TENM1: variants seen among roughly 807,000 people sequenced by gnomAD.
The protein encoded by TENM1 is teneurin-1.
TENM1 carries 35 observed loss-of-function variants against 174.8 expected under a neutral mutation model. The observed-to-expected ratio is 0.20, with a 90% CI of 0.15 to 0.27. TENM1 has a LOEUF of 0.27. Ranked by LOEUF, TENM1 falls within the 10% of genes least tolerant of loss-of-function variation. The probability of loss-of-function intolerance (pLI) is 1.00; values close to 1 mark genes in which losing one functional copy is unlikely to be tolerated. For synonymous variants in TENM1, 781 were observed against 798.7 expected, an observed-to-expected ratio of 0.98 and a Z score of 0.37; for missense variants, 1,633 against 2,130.1, an observed-to-expected ratio of 0.77 and a Z score of 4.59.
chrX:124,893,634 G>A (rs1250296121), intron 3 of TENM1, among the ~76,000 whole-genome samples: 2 of 111,258 alleles, frequency 1.8e-5, no homozygotes, highest in Non-Finnish European at 3.8e-5. Flanking sequence ...AGGCCCAGTT[G>A]TGAAAACCAT....
chrX:125,085,560 CAA>C, the TENM1 span, among the ~76,000 whole-genome samples: 2 of 111,252 alleles, frequency 1.8e-5, no homozygotes, highest in Non-Finnish European at 3.8e-5. Context: ...AACACCTTCA[CAA>C]AAACTTAATT....
intron 1 of TENM1, among the ~76,000 whole-genome samples, chrX:124,900,823 C>G (rs1225347048): frequency 1.1e-5 from 1 of 91,247 alleles, no homozygotes; most frequent in African/African-American, 4.3e-5. Context: ...TTGAGTTTTG[C>G]TCTTGTTGTT....
the TENM1 span, among the ~76,000 whole-genome samples, chrX:125,014,061 C>A: frequency 9.0e-6 from 1 of 111,232 alleles, no homozygotes; most frequent in Non-Finnish European, 1.9e-5. Context: ...GTTCATATAT[C>A]AATAGACTCC....
chrX:124,972,110 G>A, the TENM1 span, among the ~76,000 whole-genome samples: 1 of 109,260 alleles, frequency 9.2e-6, no homozygotes, highest in Non-Finnish European at 1.9e-5. Context: ...GTGGGCTCCT[G>A]TAATCCCAGC....
chrX:124,539,037 A>G (rs771038915), intron 15 of TENM1, among the ~76,000 whole-genome samples: 72 of 111,353 alleles, frequency 6.5e-4, no homozygotes, highest in African/African-American at 2.3e-3. Context: ...AATTTTCTCA[A>G]TGTCCTCCTG....
intron 3 of TENM1, among the ~76,000 whole-genome samples, chrX:124,813,675 G>T (rs1455972868): frequency 8.1e-5 from 9 of 111,268 alleles, no homozygotes; most frequent in African/African-American, 2.9e-4. Flanking sequence ...GGGCAGAAAA[G>T]AGGCAAATAT....
chrX:124,722,175 C>G (rs1485582817), intron 4 of TENM1, among the ~76,000 whole-genome samples: 1 of 111,905 alleles, frequency 8.9e-6, no homozygotes, highest in Non-Finnish European at 1.9e-5. Context: ...CTATTTTATG[C>G]CAGAAGAAAT....
At chrX:124,845,468 T>C (rs2056588078) in intron 3 of TENM1, among the ~76,000 whole-genome samples, 1 of 111,766 alleles carries the variant, frequency 8.9e-6, no homozygotes, top group Non-Finnish European at 1.9e-5. Context: ...TCTTTGGGCT[T>C]TTAGGTTGTG....
chrX:125,045,840 T>A, the TENM1 span, among the ~76,000 whole-genome samples: 1 of 112,092 alleles, frequency 8.9e-6, no homozygotes, highest in African/African-American at 3.2e-5. Context: ...TCATTCAGTT[T>A]AAGCCAAAAA....
intron 3 of TENM1, among the ~76,000 whole-genome samples, chrX:124,877,765 T>C (rs112533345): frequency 0.025 from 2,791 of 111,343 alleles, 89 homozygotes; most frequent in African/African-American, 0.087. Context: ...CAGAAATCCA[T>C]GCATAATTTT....
intron 3 of TENM1, among the ~76,000 whole-genome samples, chrX:124,759,152 T>G (rs1488281081): frequency 9.0e-6 from 1 of 111,255 alleles, no homozygotes. Flanking sequence ...CACATGGCGA[T>G]AGTGTGATTC....
At chrX:125,045,045 C>T in the TENM1 span, among the ~76,000 whole-genome samples, 3 of 111,103 alleles carry the variant, frequency 2.7e-5, no homozygotes, top group Non-Finnish European at 5.7e-5. Context: ...AGAGGCCTCA[C>T]GAGACTTACA....
At chrX:124,599,904 C>T (rs2049988541) in intron 11 of TENM1, among the ~76,000 whole-genome samples, 1 of 109,848 alleles carries the variant, frequency 9.1e-6, no homozygotes. Flanking sequence ...CAAGAATGAA[C>T]CCTGTGGTGT....
At chrX:124,574,802 A>G (rs974858696) in intron 11 of TENM1, among the ~76,000 whole-genome samples, 10 of 111,552 alleles carry the variant, frequency 9.0e-5, no homozygotes, top group Admixed American at 8.5e-4. Flanking sequence ...GGCTGAAAAA[A>G]ATTTTGGTGT....
At chrX:125,189,797 T>G in the TENM1 span, among the ~76,000 whole-genome samples, 1 of 112,516 alleles carries the variant, frequency 8.9e-6, no homozygotes, top group East Asian at 2.8e-4. Context: ...AATGTGAATA[T>G]GCATACATGT....
At chrX:125,191,946 T>C in the TENM1 span, among the ~76,000 whole-genome samples, 1 of 110,235 alleles carries the variant, frequency 9.1e-6, no homozygotes, top group African/African-American at 3.3e-5. Context: ...TTTTTTTTGT[T>C]TTGTTTTTTG....
intron 1 of TENM1, among the ~76,000 whole-genome samples, chrX:124,936,892 C>T (rs1159833165): frequency 9.1e-6 from 1 of 110,433 alleles, no homozygotes; most frequent in Non-Finnish European, 1.9e-5. Flanking sequence ...ACTAAAAATA[C>T]AAAATTAACT....
chrX:125,010,683 G>C, the TENM1 span, among the ~76,000 whole-genome samples: 4 of 108,496 alleles, frequency 3.7e-5, no homozygotes, highest in African/African-American at 1.3e-4. Flanking sequence ...GCGCGGTGGC[G>C]GGTGCCTGTA....
In TENM1 at chrX:124,704,978, A is replaced by G. The variant is rs1209670740; in HGVS notation, c.1015+35T>C. The G allele has an allele frequency of 2.7e-6, 3 of 1,100,587 alleles. No individual in the cohort carries two copies. In the Admixed American group the frequency reaches 6.9e-5, roughly 25 times the overall value. 90.7% of individuals were successfully genotyped at this position (1,100,587 alleles called of 1,213,427 possible). A position where few individuals can be genotyped will look rare whatever the true frequency, so the allele number is the denominator to read the frequency against. ...CCACAAGCAAAACAAGACTTTGATT[A>G]AGAACAAAACTGAGGCATGACAAAA... On this transcript the variant is annotated intron_variant, in intron 5 of 31. Coordinates refer to ENST00000422452, the Ensembl canonical transcript of TENM1.
Sources: allele counts gnomAD v4.1 joint callset (sites outside exome capture counted in the v4.1 genomes callset), GRCh38; gene constraint gnomAD v4.1.1; transcripts MANE v1.5; gene names NCBI Gene and HGNC (gene_info 2026-07-23, HGNC 2026-07-21).